The following WWP1 variants were observed in gnomAD, a reference collection of about 807,000 sequenced individuals.
WWP1 encodes the protein NEDD4-like E3 ubiquitin-protein ligase WWP1.
Under a neutral mutation model 130.6 loss-of-function variants are expected in WWP1, and 49 were observed. The observed-to-expected ratio is 0.38, with a 90% CI of 0.30 to 0.48. The LOEUF is 0.48. Ranked by LOEUF, WWP1 falls within the 20% of genes least tolerant of loss-of-function variation. WWP1 has a pLI of 0.99. For missense variants in WWP1, 809 were observed against 1,100.6 expected (o/e 0.74, Z 3.75); for synonymous variants, 332 against 367.8 (o/e 0.90, Z 1.11).
intron 3 of WWP1, among the ~76,000 whole-genome samples, chr8:86,374,901 C>T (rs1824541033): frequency 6.6e-6 from 1 of 152,026 alleles, no homozygotes. Flanking sequence ...TTTTTAGAGA[C>T]AGGGTCTCAC....
intron 21 of WWP1, among the ~76,000 whole-genome samples, chr8:86,454,109 A>G (rs912874745): frequency 6.6e-6 from 1 of 152,094 alleles, no homozygotes; most frequent in Admixed American, 6.6e-5. Flanking sequence ...TCTGTAGGGC[A>G]CCTGTGGACA....
intron 16 of WWP1, among the ~76,000 whole-genome samples, chr8:86,436,300 CAAATT>C (rs1810287469): frequency 6.6e-6 from 1 of 152,142 alleles, no homozygotes; most frequent in Non-Finnish European, 1.5e-5. Context: ...ATAATGCTAT[CAAATT>C]AAAATTAAAT....
At position 86,430,784 on chromosome 8, in the gene WWP1, G is replaced by GAT. The variant is rs748963057; in HGVS notation, c.1387+40_1387+41dup. On this transcript the variant is annotated intron_variant, in intron 12 of 24. Transcript: ENST00000517970. ...GTTTTTGCTAATGATCTATAAGGGAGATATATATCTCTCCATATATATATA... is the reference window on the plus strand; with the variant it reads ...GTTTTTGCTAATGATCTATAAGGGAGATATATATATCTCTCCATATATATATA... The GAT allele has an allele frequency of 1.5e-4, 172 of 1,141,486 alleles. 1 individual carries two copies. In the African/African-American group the frequency reaches 1.6e-3, roughly 11 times the overall value. The allele number at this position is 1,141,486 out of a possible 1,614,324, so 70.7% of individuals were successfully genotyped here.
At chr8:86,363,618 A>T (rs540942502) in intron 1 of WWP1, among the ~76,000 whole-genome samples, 204 of 152,140 alleles carry the variant, frequency 1.3e-3, no homozygotes, top group African/African-American at 4.7e-3. Flanking sequence ...CCTGGCCAAC[A>T]TGGTGAAACC....
intron 21 of WWP1, among the ~76,000 whole-genome samples, chr8:86,455,379 C>T (rs952557613): frequency 2.6e-5 from 4 of 151,798 alleles, no homozygotes; most frequent in African/African-American, 9.7e-5. Flanking sequence ...AGTAAAACTG[C>T]CTATATTCAC....
At position 86,451,214 on chromosome 8, in the gene WWP1, TAAAAAAAAAAAAAAAAAAAAA is replaced by T. The variant is rs61141803; in HGVS notation, c.2274-1326_2274-1306del. Among the ~76,000 whole-genome samples the T allele has an allele frequency of 2.0e-3, 89 of 43,684 alleles. 2 individuals carry two copies. The South Asian group carries it at 0.041, about 20-fold the overall frequency. The allele number at this position is 43,684 out of a possible 152,430, so 28.7% of individuals were successfully genotyped here. Reference sequence around the variant, plus strand: ...GCAACCGAGTGAGACCCTATGTTATTAAAAAAAAAAAAAAAAAAAAAAAAAAAAAAAAAAAAAAAGATACAT... The same window carrying T: ...GCAACCGAGTGAGACCCTATGTTATTAAAAAAAAAAAAAAAAAAGATACAT... On this transcript the variant is annotated intron_variant, in intron 20 of 24. Transcript: ENST00000517970.
intron 16 of WWP1, among the ~76,000 whole-genome samples, chr8:86,438,179 A>G (rs1034177045): frequency 1.3e-5 from 2 of 152,230 alleles, no homozygotes; most frequent in South Asian, 2.1e-4. Flanking sequence ...TAAAATACAT[A>G]TACTGTTCAT....
intron 9 of WWP1, among the ~76,000 whole-genome samples, chr8:86,419,757 G>GA (rs79220713): frequency 0.32 from 48,221 of 152,040 alleles, 9,177 homozygotes; most frequent in Middle Eastern, 0.45. Flanking sequence ...GATGATAAAT[G>GA]AAAACAGATC....
chr8:86,431,056 GAT>G (rs1184207624), intron 12 of WWP1, among the ~76,000 whole-genome samples: 12 of 131,048 alleles, frequency 9.2e-5, no homozygotes, highest in East Asian at 8.3e-4. Context: ...TATTATAAGG[GAT>G]ATATATATGT....
chr8:86,429,886 T>A (rs1809838520), intron 11 of WWP1, among the ~76,000 whole-genome samples: 1 of 152,202 alleles, frequency 6.6e-6, no homozygotes, highest in South Asian at 2.1e-4. Context: ...GATAGTCTCC[T>A]CTTCGTGACA....
At chr8:86,389,911 G>A (rs7005799) in intron 5 of WWP1, among the ~76,000 whole-genome samples, 56,676 of 151,162 alleles carry the variant, frequency 0.37, 11,382 homozygotes, top group Middle Eastern at 0.48. Context: ...GGCGGCTGCC[G>A]GGCGGAGACG....
chr8:86,348,647 C>T (rs992521537), intron 1 of WWP1, among the ~76,000 whole-genome samples: 5 of 152,262 alleles, frequency 3.3e-5, no homozygotes, highest in East Asian at 3.9e-4. Flanking sequence ...CCTCTTGGAA[C>T]CTGGAGTTTA....
At chr8:86,423,593 G>A (rs1219020636) in intron 9 of WWP1, among the ~76,000 whole-genome samples, 1 of 152,146 alleles carries the variant, frequency 6.6e-6, no homozygotes, top group East Asian at 1.9e-4. Context: ...TCTTAGTACA[G>A]AACAAAATGG....
At chr8:86,345,107 G>A (rs1253032572) in intron 1 of WWP1, among the ~76,000 whole-genome samples, 2 of 152,122 alleles carry the variant, frequency 1.3e-5, no homozygotes, top group East Asian at 1.9e-4. Context: ...TGGTGCACGC[G>A]AATGGAAAGG....
intron 1 of WWP1, among the ~76,000 whole-genome samples, chr8:86,344,589 T>C (rs914478955): frequency 6.6e-6 from 1 of 152,196 alleles, no homozygotes; most frequent in African/African-American, 2.4e-5. Context: ...GTTTCATAAA[T>C]GGTACCAAAA....
At chr8:86,452,482 A>G (rs1172887162) in intron 20 of WWP1, 77 bp from the exon 21 acceptor site, 3 of 1,255,952 alleles carry the variant, frequency 2.4e-6, no homozygotes, top group Non-Finnish European at 3.3e-6. Context: ...AGAAAGAACT[A>G]TAGAAGTTCT....
chr8:86,386,212 AT>A (rs1197335004), intron 5 of WWP1, among the ~76,000 whole-genome samples: 1 of 152,138 alleles, frequency 6.6e-6, no homozygotes, highest in East Asian at 1.9e-4. Context: ...ATAATTATAC[AT>A]TTGTTTAGTG....
intron 14 of WWP1, 72 bp downstream of exon 14, chr8:86,431,815 C>G (rs754788827): frequency 1.4e-4 from 223 of 1,578,928 alleles, no homozygotes; most frequent in Non-Finnish European, 1.8e-4. Context: ...CTAATTTATC[C>G]TCAAGTTTAG....
chr8:86,431,654 T>C lies in WWP1; in HGVS notation c.1512T>C (p.Ile504=). The change falls in exon 14 of 25, where the codon ATT becomes ATC. Residue 504 remains isoleucine (I), a synonymous_variant. Transcript: ENST00000517970. ...AACCCCTGCCAGAAGGCTGGGAAAT[T>C]AGATATACTCGTGAAGGTGTAAGGT... ...NEEPLPEGWE[I]RYTREGVRYF... The C allele has an allele frequency of 6.2e-7, 1 of 1,613,930 alleles. No homozygotes were observed. The highest frequency in any genetic ancestry group is 8.5e-7 in the Non-Finnish European group (1 of 1,179,926).
Sources: gnomAD v4.1 joint callset for allele counts (sites outside exome capture counted in the v4.1 genomes callset) on GRCh38, gnomAD v4.1.1 for gene constraint, MANE v1.5 for transcripts, NCBI Gene and HGNC (gene_info 2026-07-23, HGNC 2026-07-21) for gene names.